The following MGRN1 variants were observed in gnomAD, a reference collection of about 807,000 sequenced individuals.
MGRN1 encodes mahogunin ring finger 1, also known as E3 ubiquitin-protein ligase MGRN1.
Under a neutral mutation model 69.2 loss-of-function variants are expected in MGRN1, and 29 were observed. That is an observed-to-expected ratio of 0.42 (90% CI 0.31 to 0.57). MGRN1 has a LOEUF of 0.57. Among genes scored for constraint, MGRN1 ranks in the 20% least tolerant of loss-of-function variants. MGRN1 has a pLI of 0.15. For synonymous variants in MGRN1, 470 were observed against 344.2 expected, an observed-to-expected ratio of 1.37 and a Z score of -4.04; for missense variants, 998 against 796.2, an observed-to-expected ratio of 1.25 and a Z score of -3.05.
chr16:4,681,607 G>A lies in MGRN1; in HGVS notation c.1189G>A (p.Gly397Ser). ...EPISLLEALN[G>S]LRAVSPAIPS... Reference sequence around the variant, plus strand: ...CATCTCGCTGCTCGAGGCGCTCAACGGCCTCCGGGCTGTCTCCCCGGCCAT... The same window carrying A: ...CATCTCGCTGCTCGAGGCGCTCAACAGCCTCCGGGCTGTCTCCCCGGCCAT... The change falls in exon 13 of 17, where the codon GGC becomes AGC. Residue 397 changes from glycine to serine, a missense_variant. Gly to Ser is a moderately conservative substitution (Grantham distance 56, BLOSUM62 0). Transcript: ENST00000262370. 2 of 1,613,508 alleles carry A rather than the reference G, an allele frequency of 1.2e-6. No individual in the cohort carries two copies. Among genetic ancestry groups the A allele is most frequent in the East Asian group, 2.2e-5 (1 of 44,878 alleles).
At chr16:4,625,819 C>T (rs1222295348) in intron 1 of MGRN1, among the ~76,000 whole-genome samples, 1 of 152,234 alleles carries the variant, frequency 6.6e-6, no homozygotes, top group Non-Finnish European at 1.5e-5. Context: ...TCTCACCCTC[C>T]ATCTCCTCGT....
rs1257462181 is a variant in MGRN1 at position 4,652,841 on chromosome 16, G to C, written c.443+17G>C. ...CAGGGCAGTGTGAGTCCCGCGGGCG[G>C]CTGGCACCGGCCTGGCTGGGGGCCC... On this transcript the variant is annotated intron_variant, in intron 4 of 16. Coordinates refer to ENST00000262370, the MANE Select transcript of MGRN1 (RefSeq NM_015246.4). The C allele has an allele frequency of 6.3e-7, 1 of 1,579,896 alleles. No individual in the cohort carries two copies. Among genetic ancestry groups the C allele is most frequent in the East Asian group, 2.3e-5 (1 of 43,742 alleles).
rs116647273 is a variant in MGRN1, at chr16:4,651,574, G to A, written c.208-389G>A. Among the ~76,000 whole-genome samples, 482 of 152,214 alleles carry A rather than the reference G, an allele frequency of 3.2e-3. 1 individual carries two copies. Among genetic ancestry groups the A allele is most frequent in the African/African-American group, 0.011 (460 of 41,538 alleles). On this transcript the variant is annotated intron_variant, in intron 2 of 16. Coordinates refer to ENST00000262370, the MANE Select transcript of MGRN1 (RefSeq NM_015246.4). ...AGAGCCAGTAAACTTTGGGGGCCCT[G>A]GGGCGGGTTGCTGAGCTGTGCTCGT... is the stretch of plus-strand genomic sequence containing the variant.
At chr16:4,661,168 A>G (rs1401438542) in intron 5 of MGRN1, among the ~76,000 whole-genome samples, 1 of 150,462 alleles carries the variant, frequency 6.6e-6, no homozygotes, top group Non-Finnish European at 1.5e-5. Context: ...TGGTAGAGAC[A>G]GAGTTTCTCT....
chr16:4,651,384 T>G (rs1026361707), intron 2 of MGRN1, among the ~76,000 whole-genome samples: 6 of 151,578 alleles, frequency 4.0e-5, no homozygotes, highest in African/African-American at 1.2e-4. Context: ...GACAAATGGG[T>G]AGAAGAGAGA....
At chr16:4,684,342 C>A (rs1290204201) in intron 16 of MGRN1, among the ~76,000 whole-genome samples, 1 of 152,200 alleles carries the variant, frequency 6.6e-6, no homozygotes, top group Middle Eastern at 3.2e-3. Context: ...CGTGGGCCCA[C>A]AGGCCCCATG....
At position 4,664,737 on chromosome 16, in the gene MGRN1, T is replaced by A. The variant is rs1457938428; in HGVS notation, c.590T>A (p.Phe197Tyr). 6.2e-7 allele frequency: 1 copy of A among 1,614,208 alleles called. No homozygotes were observed. Among genetic ancestry groups the A allele is most frequent in the Non-Finnish European group, 8.5e-7 (1 of 1,180,036 alleles). The change falls in exon 6 of 17, where the codon TTT becomes TAT. Residue 197 changes from phenylalanine to tyrosine, a missense_variant. Phe to Tyr is a conservative substitution (Grantham distance 22). Coordinates refer to ENST00000262370, the MANE Select transcript of MGRN1 (RefSeq NM_015246.4). ...ELNFDLDRGV[F>Y]PVVIQAVVDE... ...AACTTTGACCTGGACCGGGGCGTGT[T>A]TCCAGTAGTCATCCAGGCTGTGGTG... is the stretch of plus-strand genomic sequence containing the variant.
intron 5 of MGRN1, among the ~76,000 whole-genome samples, chr16:4,658,243 A>G (rs2078597147): frequency 6.6e-6 from 1 of 151,680 alleles, no homozygotes; most frequent in African/African-American, 2.4e-5. Context: ...GTAACAGTAC[A>G]GACCTTGTGT....
intron 1 of MGRN1, among the ~76,000 whole-genome samples, chr16:4,632,034 G>A (rs1485733423): frequency 1.3e-5 from 1 of 74,568 alleles, no homozygotes; most frequent in Non-Finnish European, 2.2e-5. Context: ...TTTTTTTTGA[G>A]ATGGAGTCTT....
At position 4,624,857 on chromosome 16, in the gene MGRN1, G is replaced by T. The variant is rs560328503; in HGVS notation, c.-104G>T. 1.6e-4 allele frequency: 156 copies of T among 957,064 alleles called. 2 individuals carry two copies. In the South Asian group the frequency reaches 3.5e-3, roughly 21 times the overall value. 59.3% of individuals were successfully genotyped at this position (957,064 alleles called of 1,614,324 possible). A position where few individuals can be genotyped will look rare whatever the true frequency, so the allele number is the denominator to read the frequency against. ...TCGAGGCGCCTCCGCGGCCGTGGAC[G>T]AGCGTCCGTGCGGCCTGGTCCGGGC... is the stretch of plus-strand genomic sequence containing the variant. On this transcript the variant is annotated 5_prime_UTR_variant, in exon 1 of 17. Transcript: ENST00000262370.
intron 9 of MGRN1, 92 bp downstream of exon 9, chr16:4,671,551 C>G: frequency 8.2e-7 from 1 of 1,221,196 alleles, no homozygotes; most frequent in East Asian, 2.3e-5. Context: ...CCCTTCCATG[C>G]CTTCCCCTGG....
In MGRN1 at chr16:4,683,854, G is replaced by C; in HGVS notation, c.1540G>C (p.Ala514Pro). 6.2e-7 allele frequency: 1 copy of C among 1,612,656 alleles called. No homozygotes were observed. The highest frequency in any genetic ancestry group is 8.5e-7 in the Non-Finnish European group (1 of 1,179,642). ...SSSPQQGTRA[A>P]SIENVLQDSS... ...CCCTCTGCCTGCAGGGACCCGAGCA[G>C]CTTCCATTGAGAATGTCCTGCAGGA... The change falls in exon 16 of 17, where the codon GCT (alanine) becomes CCT (proline). Residue 514 changes from alanine to proline, a missense_variant. Physicochemically the swap from Ala to Pro is conservative, Grantham distance 27. Coordinates refer to ENST00000262370, the MANE Select transcript of MGRN1 (RefSeq NM_015246.4).
chr16:4,667,772 G>T (rs538090418), intron 7 of MGRN1, among the ~76,000 whole-genome samples: 1 of 152,230 alleles, frequency 6.6e-6, no homozygotes, highest in Non-Finnish European at 1.5e-5. Context: ...GTTCTATTTC[G>T]TTCCTGCGTT....
chr16:4,629,150 A>ATATTTGTGTGTGTGTGTGTGTG (rs1555445266), intron 1 of MGRN1, among the ~76,000 whole-genome samples: 6 of 127,602 alleles, frequency 4.7e-5, no homozygotes, highest in African/African-American at 1.8e-4. Flanking sequence ...TTCTGTTCGT[A>ATATTTGTGTGTGTGTGTGTGTG]TGTGTGTGTG....
At chr16:4,637,717 G>A (rs577212689) in intron 1 of MGRN1, among the ~76,000 whole-genome samples, 5 of 152,350 alleles carry the variant, frequency 3.3e-5, no homozygotes, top group East Asian at 3.9e-4. Flanking sequence ...CTGCTCCGGC[G>A]TGTGTGAGGC....
chr16:4,684,112 T>TGGCCAC (rs1238764028), intron 16 of MGRN1, among the ~76,000 whole-genome samples, 180 bp downstream of exon 16: 3 of 152,236 alleles, frequency 2.0e-5, no homozygotes, highest in Non-Finnish European at 4.4e-5. Context: ...GCCAGGGCCA[T>TGGCCAC]GGCCACAAAG....
At chr16:4,668,428 C>A (rs531561578) in intron 8 of MGRN1, 116 bp downstream of exon 8, 2 of 1,054,022 alleles carry the variant, frequency 1.9e-6, no homozygotes, top group South Asian at 1.5e-5. Context: ...TACTCATACA[C>A]GCTCATACAC....
At chr16:4,677,595 G>C in intron 11 of MGRN1, 23 bp downstream of exon 11, 1 of 1,592,606 alleles carries the variant, frequency 6.3e-7, no homozygotes, top group African/African-American at 1.3e-5. Flanking sequence ...TCCTGCCTGC[G>C]GGATGGGCGG....
At chr16:4,658,446 G>C (rs2078603721) in intron 5 of MGRN1, among the ~76,000 whole-genome samples, 1 of 151,852 alleles carries the variant, frequency 6.6e-6, no homozygotes, top group Non-Finnish European at 1.5e-5. Context: ...TGAGGCAGGA[G>C]AATATCATGA....
Sources: gnomAD v4.1 joint callset for allele counts (sites outside exome capture counted in the v4.1 genomes callset) on GRCh38, gnomAD v4.1.1 for gene constraint, MANE v1.5 for transcripts, NCBI Gene and HGNC (gene_info 2026-07-23, HGNC 2026-07-21) for gene names.